CSMD1: variants seen among roughly 807,000 people sequenced by gnomAD.
CSMD1 encodes CUB and Sushi multiple domains 1, also known as CUB and sushi domain-containing protein 1.
CSMD1 carries 213 observed loss-of-function variants against 417.5 expected under a neutral mutation model. The observed-to-expected ratio is 0.51, with a 90% CI of 0.46 to 0.57. The LOEUF is 0.57. Among genes scored for constraint, CSMD1 ranks in the 20% least tolerant of loss-of-function variants. The pLI is 0.00. For missense variants in CSMD1, 6,923 were observed against 4,529.7 expected, an observed-to-expected ratio of 1.53 and a Z score of -15.17; for synonymous variants, 2,862 against 1,736.8, an observed-to-expected ratio of 1.65 and a Z score of -16.11.
At chr8:4,904,481 A>G (rs1805105732) in intron 1 of CSMD1, among the ~76,000 whole-genome samples, 1 of 152,216 alleles carries the variant, frequency 6.6e-6, no homozygotes. Context: ...AACAGCTGGT[A>G]GGGCTCAATC....
intron 5 of CSMD1, chr8:3,950,088 T>C (rs1307389483): frequency 4.6e-6 from 2 of 439,378 alleles, no homozygotes; most frequent in African/African-American, 4.1e-5. Flanking sequence ...AAGAAAATCT[T>C]CCTTAAAGGC....
chr8:4,818,745 T>C (rs144942666), intron 1 of CSMD1, among the ~76,000 whole-genome samples: 318 of 152,284 alleles, frequency 2.1e-3, no homozygotes, highest in Non-Finnish European at 2.9e-3. Context: ...ACATAACTCA[T>C]AGTCTGATTA....
intron 1 of CSMD1, among the ~76,000 whole-genome samples, chr8:4,781,177 C>G (rs1563367660): frequency 1.3e-5 from 2 of 152,266 alleles, no homozygotes; most frequent in African/African-American, 4.8e-5. Flanking sequence ...CCCAACCTAG[C>G]AAATACATCT....
intron 3 of CSMD1, among the ~76,000 whole-genome samples, chr8:4,085,930 C>A (rs1244475776): frequency 1.3e-5 from 2 of 151,996 alleles, no homozygotes; most frequent in Non-Finnish European, 2.9e-5. Flanking sequence ...TGGAAGGGGG[C>A]TCTGTATTAT....
chr8:3,282,035 T>G (rs1464053380), intron 26 of CSMD1, among the ~76,000 whole-genome samples: 1 of 152,184 alleles, frequency 6.6e-6, no homozygotes, highest in Non-Finnish European at 1.5e-5. Flanking sequence ...ACTGTAAGTT[T>G]CCTGAGGCCC....
intron 1 of CSMD1, among the ~76,000 whole-genome samples, chr8:4,729,229 C>T (rs1270315280): frequency 6.6e-6 from 1 of 152,056 alleles, no homozygotes; most frequent in Non-Finnish European, 1.5e-5. Context: ...GGCATTATCA[C>T]AGAAAATTAT....
chr8:3,755,747 G>C (rs1203345221), intron 5 of CSMD1, among the ~76,000 whole-genome samples: 1 of 152,080 alleles, frequency 6.6e-6, no homozygotes, highest in Non-Finnish European at 1.5e-5. Flanking sequence ...TCCACTTTAA[G>C]TTAAAAGCCA....
At chr8:4,778,537 A>G (rs897468138) in intron 1 of CSMD1, among the ~76,000 whole-genome samples, 3 of 152,226 alleles carry the variant, frequency 2.0e-5, no homozygotes, top group African/African-American at 7.2e-5. Context: ...GCAAATCATA[A>G]CTTTATAGAT....
chr8:3,040,699 A>T (rs1811029661), intron 50 of CSMD1, among the ~76,000 whole-genome samples: 1 of 151,952 alleles, frequency 6.6e-6, no homozygotes, highest in Non-Finnish European at 1.5e-5. Flanking sequence ...GCCACTCGGG[A>T]GGCTGAGGCA....
At chr8:3,868,475 G>A (rs1359723333) in intron 5 of CSMD1, among the ~76,000 whole-genome samples, 1 of 151,982 alleles carries the variant, frequency 6.6e-6, no homozygotes, top group African/African-American at 2.4e-5. Context: ...AAAAGGAAGG[G>A]GCTCTCTCAT....
intron 1 of CSMD1, among the ~76,000 whole-genome samples, chr8:4,912,005 G>A (rs116227042): frequency 1.3e-5 from 2 of 150,486 alleles, no homozygotes; most frequent in Non-Finnish European, 3.0e-5. Context: ...TACTCTTTTG[G>A]TCTTTCTTCT....
intron 1 of CSMD1, among the ~76,000 whole-genome samples, chr8:4,897,222 G>T (rs1381862330): frequency 3.3e-5 from 5 of 151,978 alleles, no homozygotes; most frequent in African/African-American, 1.2e-4. Flanking sequence ...CAACACGTCT[G>T]TTTTGTTTCT....
At chr8:3,388,393 A>AT (rs1299080733) in intron 17 of CSMD1, among the ~76,000 whole-genome samples, 1 of 146,106 alleles carries the variant, frequency 6.8e-6, no homozygotes, top group Non-Finnish European at 1.6e-5. Context: ...TTAAGAGCTA[A>AT]GGAAAATGAG....
chr8:4,529,972 T>G (rs946897521), intron 2 of CSMD1, among the ~76,000 whole-genome samples: 1 of 152,032 alleles, frequency 6.6e-6, no homozygotes, highest in African/African-American at 2.4e-5. Flanking sequence ...TGGAGTGCAG[T>G]GGCGAGATCC....
intron 3 of CSMD1, among the ~76,000 whole-genome samples, chr8:4,082,280 G>C (rs1007275907): frequency 1.3e-5 from 2 of 152,082 alleles, no homozygotes; most frequent in South Asian, 4.1e-4. Flanking sequence ...ACACAAGGTA[G>C]AATATCTGAG....
At chr8:4,129,631 G>A (rs1477519865) in intron 3 of CSMD1, among the ~76,000 whole-genome samples, 2 of 151,910 alleles carry the variant, frequency 1.3e-5, no homozygotes, top group African/African-American at 2.4e-5. Context: ...TTCCTCTCTG[G>A]AAATTTGGTA....
intron 16 of CSMD1, among the ~76,000 whole-genome samples, chr8:3,398,700 T>C (rs1342296623): frequency 6.6e-6 from 1 of 152,196 alleles, no homozygotes; most frequent in Non-Finnish European, 1.5e-5. Context: ...CTTTGGTTCA[T>C]GTTGCTCATG....
At chr8:4,345,850 G>A (rs1016956505) in intron 3 of CSMD1, among the ~76,000 whole-genome samples, 2 of 152,126 alleles carry the variant, frequency 1.3e-5, no homozygotes, top group African/African-American at 2.4e-5. Flanking sequence ...ACATTGGAGT[G>A]TTCTGAGGTT....
chr8:4,207,512 C>G (rs1047350450), intron 3 of CSMD1, among the ~76,000 whole-genome samples: 11 of 152,056 alleles, frequency 7.2e-5, no homozygotes, highest in African/African-American at 2.2e-4. Flanking sequence ...ATTAATATTT[C>G]TTAAACTGAA....
Sources: allele counts gnomAD v4.1 joint callset (sites outside exome capture counted in the v4.1 genomes callset), GRCh38; gene constraint gnomAD v4.1.1; transcripts MANE v1.5; gene names NCBI Gene and HGNC (gene_info 2026-07-23, HGNC 2026-07-21).